Variants in MTMR1 observed in about 807,000 individuals in gnomAD.
The protein encoded by MTMR1 is phosphatidylinositol-3-phosphate phosphatase MTMR1.
MTMR1 carries 17 observed loss-of-function variants against 51.6 expected under a neutral mutation model. The observed-to-expected ratio is 0.33, with a 90% confidence interval of 0.23 to 0.49. MTMR1 has a LOEUF of 0.49. Among genes scored for constraint, MTMR1 ranks in the 20% least tolerant of loss-of-function variants. MTMR1 has a pLI of 0.99. For missense variants in MTMR1, 386 were observed against 526.9 expected (o/e 0.73, Z 2.62); for synonymous variants, 201 against 205.6 (o/e 0.98, Z 0.19).
At chrX:150,731,773 CT>C (rs1480964512) in intron 9 of MTMR1, among the ~76,000 whole-genome samples, 154 bp downstream of exon 9, 12 of 111,704 alleles carry the variant, frequency 1.1e-4, no homozygotes, top group African/African-American at 3.3e-4. Flanking sequence ...CAACAAATAC[CT>C]AATTATATAA....
Position 150,741,872 on chromosome X carries a change from C to T in MTMR1, c.1474-2489C>T, listed in dbSNP as rs143855577. On this transcript the variant is annotated intron_variant, in intron 12 of 15. Transcript: ENST00000445323. ...TTTTATAGTGGGGCAATGCATGGAG[C>T]TACTATGGAGAACAGAATGGCGGAT... Among the ~76,000 whole-genome samples the T allele has an allele frequency of 8.3e-3, 938 of 112,516 alleles. 10 individuals carry two copies. The highest frequency in any genetic ancestry group is 0.028 in the African/African-American group (870 of 30,960).
chrX:150,759,176 A>G (rs148372865), intron 15 of MTMR1, among the ~76,000 whole-genome samples: 1,154 of 112,512 alleles, frequency 0.01, 7 homozygotes, highest in South Asian at 0.029. Context: ...ACTTCTTTCC[A>G]GTCAGTGGTC....
At chrX:150,744,296 C>T in intron 12 of MTMR1, 65 bp from the exon 13 acceptor site, 1 of 939,062 alleles carries the variant, frequency 1.1e-6, no homozygotes, top group East Asian at 3.1e-5. Context: ...CACTGGACAA[C>T]TTACAGTGAC....
chrX:150,741,422 A>G (rs782573672), intron 12 of MTMR1, among the ~76,000 whole-genome samples: 2 of 111,994 alleles, frequency 1.8e-5, no homozygotes, highest in South Asian at 7.5e-4. Flanking sequence ...CTCAAATGAA[A>G]TGTCCTTTAT....
At chrX:150,752,243 A>G (rs2042764853) in intron 14 of MTMR1, among the ~76,000 whole-genome samples, 1 of 111,512 alleles carries the variant, frequency 9.0e-6, no homozygotes, top group South Asian at 3.7e-4. Flanking sequence ...CCTTACAGCT[A>G]TAAGCCTAGC....
intron 2 of MTMR1, among the ~76,000 whole-genome samples, chrX:150,702,546 C>T (rs186620696): frequency 9.8e-5 from 11 of 111,793 alleles, no homozygotes; most frequent in African/African-American, 3.6e-4. Flanking sequence ...AGCCCAGGGT[C>T]AGCTCATCTA....
chrX:150,750,910 C>T, intron 14 of MTMR1, 67 bp downstream of exon 14: 2 of 1,037,655 alleles, frequency 1.9e-6, no homozygotes, highest in African/African-American at 1.8e-5. Context: ...GGAAGTGCTA[C>T]TGTAGGAGGG....
At position 150,724,912 on chromosome X, in the gene MTMR1, G is replaced by A. The variant is rs147698565; in HGVS notation, c.353-2303G>A. 2.8e-3 allele frequency among the ~76,000 whole-genome samples: 311 copies of A among 111,564 alleles called. 3 individuals carry two copies. Among genetic ancestry groups the A allele is most frequent in the Middle Eastern group, 0.023 (5 of 214 alleles). ...TAGGTGTGCACCCTTATTTCTGGGC[G>A]CTCTATTCTGTTCCACTTGTCTATG... On this transcript the variant is annotated intron_variant, in intron 4 of 15. Transcript: ENST00000445323.
At chrX:150,730,492 G>T (rs1557416950) in intron 7 of MTMR1, 33 bp from the exon 8 acceptor site, 1 of 973,851 alleles carries the variant, frequency 1.0e-6, no homozygotes, top group East Asian at 3.2e-5. Flanking sequence ...AAAAGAAATA[G>T]TAACATATGT....
At chrX:150,748,514 C>T (rs2148659418) in intron 13 of MTMR1, among the ~76,000 whole-genome samples, 1 of 110,204 alleles carries the variant, frequency 9.1e-6, no homozygotes, top group South Asian at 3.9e-4. Flanking sequence ...GTGTGCCTGG[C>T]CTGTTAAAAG....
rs782803396 is a variant in MTMR1, at chrX:150,723,187, CT to C, written c.353-4021del. On this transcript the variant is annotated intron_variant, in intron 4 of 15. Coordinates refer to ENST00000445323, the MANE Select transcript of MTMR1 (RefSeq NM_001306144.3). ...TCCCTACAAAGGACATGAACTCATC[CT>C]TTTTTTATGGCTGCATAGTATTCCA... Among the ~76,000 whole-genome samples the C allele has an allele frequency of 4.4e-3, 493 of 111,264 alleles. 4 individuals are homozygous for C. Among genetic ancestry groups the C allele is most frequent in the African/African-American group, 0.013 (407 of 30,579 alleles).
chrX:150,747,612 C>T (rs868981746), intron 13 of MTMR1, among the ~76,000 whole-genome samples: 3 of 112,155 alleles, frequency 2.7e-5, no homozygotes, highest in Middle Eastern at 4.2e-3. Flanking sequence ...TATTACTCCA[C>T]CTGCTACTGT....
chrX:150,703,925 T>C (rs368675265), intron 2 of MTMR1, among the ~76,000 whole-genome samples: 2 of 111,698 alleles, frequency 1.8e-5, no homozygotes, highest in East Asian at 2.8e-4. Context: ...ACCACTGTAA[T>C]AGATAGAAGA....
intron 14 of MTMR1, chrX:150,751,363 T>A: frequency 2.8e-6 from 1 of 354,362 alleles, no homozygotes; most frequent in Non-Finnish European, 3.7e-6. Flanking sequence ...TGGTCAAAAG[T>A]GAGAAGGCAT....
intron 3 of MTMR1, among the ~76,000 whole-genome samples, chrX:150,718,343 C>A (rs2041615560): frequency 8.9e-6 from 1 of 112,070 alleles, no homozygotes; most frequent in Admixed American, 9.5e-5. Context: ...GTAGTGATTA[C>A]AGTATCTTTC....
intron 10 of MTMR1, chrX:150,735,661 C>T: frequency 2.8e-6 from 1 of 352,576 alleles, no homozygotes; most frequent in South Asian, 8.3e-5. Context: ...CTTATTGTTA[C>T]TATTTCAATT....
intron 2 of MTMR1, among the ~76,000 whole-genome samples, chrX:150,708,815 G>C (rs2041207753): frequency 9.0e-6 from 1 of 111,427 alleles, no homozygotes; most frequent in Admixed American, 9.5e-5. Flanking sequence ...TGCAAGGGAG[G>C]TGCTCTCGAC....
At chrX:150,718,802 A>T in intron 4 of MTMR1, 102 bp downstream of exon 4, 1 of 788,448 alleles carries the variant, frequency 1.3e-6, no homozygotes, top group Non-Finnish European at 1.8e-6. Flanking sequence ...CGCCAGACCA[A>T]CTTAATTAGG....
intron 4 of MTMR1, among the ~76,000 whole-genome samples, chrX:150,723,601 G>C (rs2041827543): frequency 9.0e-6 from 1 of 111,394 alleles, no homozygotes; most frequent in Admixed American, 9.5e-5. Context: ...TTCTCTGATG[G>C]CCCTATTTTA....
Sources: allele counts gnomAD v4.1 joint callset (sites outside exome capture counted in the v4.1 genomes callset), GRCh38; gene constraint gnomAD v4.1.1; transcripts MANE v1.5; gene names NCBI Gene and HGNC (gene_info 2026-07-23, HGNC 2026-07-21).